PEX7: variants seen among roughly 807,000 people sequenced by gnomAD.
PEX7 encodes the protein peroxisomal biogenesis factor 7, also known as PTS2 receptor.
Under a neutral mutation model 47.5 loss-of-function variants are expected in PEX7, and 34 were observed. The ratio of observed to expected loss-of-function variants is 0.72; its 90% confidence interval spans 0.54 to 0.95. The LOEUF is 0.95. PEX7 is among the 40% of genes least tolerant of loss of function. The pLI is 0.00. For missense variants in PEX7, 394 were observed against 400.3 expected (o/e 0.98, Z 0.13); for synonymous variants, 141 against 148.8 (o/e 0.95, Z 0.38).
chr6:136,896,651 A>G (rs1775656701), intron 8 of PEX7, among the ~76,000 whole-genome samples: 2 of 151,922 alleles, frequency 1.3e-5, no homozygotes, highest in South Asian at 4.2e-4. Context: ...TACCAATCTC[A>G]TTGCAGATGC....
chr6:136,898,904 T>C (rs1775701256), intron 9 of PEX7, among the ~76,000 whole-genome samples: 1 of 151,350 alleles, frequency 6.6e-6, no homozygotes, highest in South Asian at 2.1e-4. Context: ...AAATACAGAG[T>C]GTGTGAAAGA....
chr6:136,898,038 CTGTTTG>C, intron 8 of PEX7, 98 bp from the exon 9 acceptor site: 2 of 732,490 alleles, frequency 2.7e-6, no homozygotes, highest in Non-Finnish European at 4.9e-6. Context: ...TTGGCTGAGC[CTGTTTG>C]GATAAAATCT....
intron 2 of PEX7, 45 bp downstream of exon 2, chr6:136,825,316 A>G: frequency 5.6e-6 from 8 of 1,425,684 alleles, no homozygotes; most frequent in Non-Finnish European, 7.9e-6. Context: ...TTGCTATTAA[A>G]GCCTTAATAG....
intron 7 of PEX7, 112 bp downstream of exon 7, chr6:136,870,115 T>C: frequency 1.5e-6 from 1 of 665,718 alleles, no homozygotes; most frequent in Non-Finnish European, 2.4e-6. Flanking sequence ...TAATTCTTTT[T>C]TATATGTGTT....
chr6:136,900,361 A>G lies in PEX7; in HGVS notation c.903+2120A>G, dbSNP rs1775732187. ...ATTTTAATTATTTTTATGTACAGAA[A>G]ACTCAACCGTGTACATTTAATCCAG... On this transcript the variant is annotated intron_variant, in intron 9 of 9. Transcript: ENST00000318471. The surrounding 1 kb of genome is among the most constrained non-coding windows in gnomAD (Gnocchi z 4.2). 4.6e-6 allele frequency: 1 copy of G among 219,686 alleles called. No individual in the cohort carries two copies. The highest frequency in any genetic ancestry group is 6.9e-5 in the South Asian group (1 of 14,510). The allele number at this position is 219,686 out of a possible 1,614,324, so 13.6% of individuals were successfully genotyped here.
intron 8 of PEX7, among the ~76,000 whole-genome samples, chr6:136,888,587 C>T (rs1775506506): frequency 6.6e-6 from 1 of 152,086 alleles, no homozygotes; most frequent in Non-Finnish European, 1.5e-5. Flanking sequence ...GTAATCCTTG[C>T]AAGGATATTT....
intron 2 of PEX7, among the ~76,000 whole-genome samples, chr6:136,825,482 C>T (rs1052498025): frequency 3.9e-5 from 6 of 152,028 alleles, no homozygotes; most frequent in South Asian, 2.1e-4. Flanking sequence ...CACTTGAGGC[C>T]GGGAGTTCAA....
At chr6:136,870,040 A>G in intron 7 of PEX7, 37 bp downstream of exon 7, 1 of 1,233,282 alleles carries the variant, frequency 8.1e-7, no homozygotes, top group Non-Finnish European at 1.2e-6. Flanking sequence ...GTAGAATAAA[A>G]TTATATAAAT....
intron 8 of PEX7, among the ~76,000 whole-genome samples, chr6:136,893,240 C>A (rs920167919): frequency 3.3e-5 from 5 of 151,408 alleles, no homozygotes; most frequent in Non-Finnish European, 7.4e-5. Flanking sequence ...TTCAAATGAC[C>A]TACAAGACCT....
intron 8 of PEX7, among the ~76,000 whole-genome samples, chr6:136,894,804 G>A (rs1775620513): frequency 6.6e-6 from 1 of 152,088 alleles, no homozygotes; most frequent in Non-Finnish European, 1.5e-5. Context: ...TTCCCATGAG[G>A]GAGATTAAAT....
intron 3 of PEX7, chr6:136,829,863 G>A: frequency 1.6e-6 from 1 of 611,752 alleles, no homozygotes; most frequent in East Asian, 2.8e-5. Context: ...TTTGAGCATG[G>A]GAGGTGGAGG....
chr6:136,825,059 A>G (rs567897134), intron 1 of PEX7, among the ~76,000 whole-genome samples, 155 bp from the exon 2 acceptor site: 27 of 152,336 alleles, frequency 1.8e-4, no homozygotes, highest in African/African-American at 5.8e-4. Flanking sequence ...TTTAGGGAGA[A>G]ATTGATCACC....
chr6:136,876,443 G>A (rs1775274253), intron 8 of PEX7, among the ~76,000 whole-genome samples: 1 of 152,100 alleles, frequency 6.6e-6, no homozygotes, highest in Admixed American at 6.6e-5. Flanking sequence ...GCACCCATCA[G>A]CCAGTCATCT....
At chr6:136,858,465 G>T (rs748002697) in intron 5 of PEX7, among the ~76,000 whole-genome samples, 1 of 152,164 alleles carries the variant, frequency 6.6e-6, no homozygotes, top group Non-Finnish European at 1.5e-5. Context: ...CTAGTCCAGC[G>T]ATTCTAGAAT....
At chr6:136,842,241 C>T (rs763371072) in intron 3 of PEX7, among the ~76,000 whole-genome samples, 15 of 150,216 alleles carry the variant, frequency 1.0e-4, no homozygotes, top group Non-Finnish European at 2.1e-4. Context: ...GTGACCTGCC[C>T]GCCTTGGCCT....
At chr6:136,913,326 T>A in intron 9 of PEX7, 132 bp from the exon 10 acceptor site, 1 of 711,638 alleles carries the variant, frequency 1.4e-6, no homozygotes, top group Non-Finnish European at 2.6e-6. Context: ...CGTAGCCCTA[T>A]GTTTTCCCTA....
intron 5 of PEX7, among the ~76,000 whole-genome samples, chr6:136,853,906 T>G (rs1774807484): frequency 1.3e-5 from 2 of 152,202 alleles, no homozygotes; most frequent in African/African-American, 4.8e-5. Flanking sequence ...TAAACTATTA[T>G]TTTTTGAATT....
chr6:136,844,090 C>T (rs1385110981), intron 3 of PEX7, among the ~76,000 whole-genome samples: 1 of 152,058 alleles, frequency 6.6e-6, no homozygotes, highest in African/African-American at 2.4e-5. Flanking sequence ...GTAGGCTGGG[C>T]ACGGTGGCTC....
Position 136,913,801 on chromosome 6 carries a change from G to T in PEX7, c.*275G>T. The T allele has an allele frequency of 2.6e-6, 1 of 381,050 alleles. No homozygotes were observed. The highest frequency in any genetic ancestry group is 3.5e-5 in the South Asian group (1 of 28,350). The allele number at this position is 381,050 out of a possible 1,614,324, so 23.6% of individuals were successfully genotyped here. On this transcript the variant is annotated 3_prime_UTR_variant, in exon 10 of 10. Transcript: ENST00000318471. ...TAAAATGTCTCTGGGTCATAAAATG[G>T]ATTAAAATATGGGAGATCAGTAGGT... is the stretch of plus-strand genomic sequence containing the variant.
Sources: allele counts gnomAD v4.1 joint callset (sites outside exome capture counted in the v4.1 genomes callset), GRCh38; gene constraint gnomAD v4.1.1; non-coding constraint Gnocchi (gnomAD v3.1); transcripts MANE v1.5; gene names NCBI Gene and HGNC (gene_info 2026-07-23, HGNC 2026-07-21).